The following DIP2B variants were observed in gnomAD, a reference collection of about 807,000 sequenced individuals.
DIP2B encodes the protein DIP2 acetate--CoA ligase B (putative), also known as disco-interacting protein 2 homolog B.
Under a neutral mutation model 198.0 loss-of-function variants are expected in DIP2B, and 76 were observed. That is an observed-to-expected ratio of 0.38 (90% CI 0.32 to 0.46). The LOEUF is 0.46. Among genes scored for constraint, DIP2B ranks in the 20% least tolerant of loss-of-function variants. The pLI, the probability that DIP2B is intolerant of heterozygous loss-of-function variation, is 0.99. For synonymous variants in DIP2B, 701 were observed against 739.1 expected (o/e 0.95, Z 0.84); for missense variants, 1,559 against 1,978.4 (o/e 0.79, Z 4.02).
chr12:50,647,758 C>T (rs1938375803), intron 3 of DIP2B, among the ~76,000 whole-genome samples: 1 of 152,184 alleles, frequency 6.6e-6, no homozygotes, highest in Non-Finnish European at 1.5e-5. Context: ...GGCCCTGGTC[C>T]TTAAAGCCCA....
intron 3 of DIP2B, among the ~76,000 whole-genome samples, 160 bp downstream of exon 3, chr12:50,641,012 G>A (rs1463451138): frequency 6.6e-6 from 1 of 151,914 alleles, no homozygotes; most frequent in Non-Finnish European, 1.5e-5. Flanking sequence ...ACCCTACTAT[G>A]TATCAGGTAT....
chr12:50,657,688 C>T (rs1938578698), intron 3 of DIP2B, among the ~76,000 whole-genome samples: 1 of 150,210 alleles, frequency 6.7e-6, no homozygotes, highest in Admixed American at 6.6e-5. Context: ...AATTGCATAA[C>T]CTGAAATTAA....
rs183511050 is a variant in DIP2B, at chr12:50,600,211, G to A, written c.101-25765G>A. Among the ~76,000 whole-genome samples, 278 of 152,214 alleles carry A rather than the reference G, an allele frequency of 1.8e-3. 6 individuals are homozygous for A. Among genetic ancestry groups the A allele is most frequent in the Admixed American group, 0.018 (275 of 15,274 alleles). Reference sequence around the variant, plus strand: ...CCTCAGTCTTTATAGATAAAATCAGGACAGTTGATTTAGACATCTTTTGAC... The same window carrying A: ...CCTCAGTCTTTATAGATAAAATCAGAACAGTTGATTTAGACATCTTTTGAC... On this transcript the variant is annotated intron_variant, in intron 1 of 37. Transcript: ENST00000301180.
At chr12:50,625,897 GTAAT>G in intron 1 of DIP2B, 75 bp from the exon 2 acceptor site, 2 of 1,468,808 alleles carry the variant, frequency 1.4e-6, no homozygotes, top group African/African-American at 2.8e-5. Flanking sequence ...CTATAACTCT[GTAAT>G]TAATTTTATT....
At chr12:50,536,879 T>A (rs1252168033) in intron 1 of DIP2B, among the ~76,000 whole-genome samples, 3 of 151,006 alleles carry the variant, frequency 2.0e-5, no homozygotes, top group East Asian at 3.9e-4. Flanking sequence ...TTTTTTTTTT[T>A]AATGTTGAAC....
chr12:50,598,988 TAA>T (rs113915324), intron 1 of DIP2B, among the ~76,000 whole-genome samples: 1 of 106,344 alleles, frequency 9.4e-6, no homozygotes, highest in Non-Finnish European at 1.8e-5. Context: ...ATATAAACAT[TAA>T]AAAAAAAAAA....
intron 1 of DIP2B, among the ~76,000 whole-genome samples, chr12:50,569,099 T>C (rs1400368749): frequency 1.3e-5 from 2 of 152,090 alleles, no homozygotes; most frequent in Non-Finnish European, 2.9e-5. Context: ...GTCTTTTTTT[T>C]TTTTTTCACC....
chr12:50,618,491 G>T (rs561832887), intron 1 of DIP2B, among the ~76,000 whole-genome samples: 10 of 152,290 alleles, frequency 6.6e-5, no homozygotes, highest in African/African-American at 1.9e-4. Flanking sequence ...CTCTCCTGAC[G>T]ATCATCCTTC....
chr12:50,719,668 CTG>C (rs1175797221), intron 25 of DIP2B, among the ~76,000 whole-genome samples: 1 of 151,698 alleles, frequency 6.6e-6, no homozygotes, highest in Non-Finnish European at 1.5e-5. Flanking sequence ...ATGTGAAACG[CTG>C]TCTCTACTAA....
At chr12:50,727,444 T>G (rs965253956) in intron 28 of DIP2B, among the ~76,000 whole-genome samples, 8 of 152,226 alleles carry the variant, frequency 5.3e-5, no homozygotes, top group African/African-American at 1.9e-4. Context: ...TGCTTCCTAC[T>G]GTGTTCTGTT....
At chr12:50,516,213 ATCTCTCTCTCTCTC>A (rs68059796) in intron 1 of DIP2B, among the ~76,000 whole-genome samples, 1 of 128,516 alleles carries the variant, frequency 7.8e-6, no homozygotes, top group Admixed American at 7.7e-5. Flanking sequence ...TAGAGGCACC[ATCTCTCTCTCTCTC>A]TCTCTCTCTC....
At chr12:50,510,834 G>A (rs1958008174) in intron 1 of DIP2B, among the ~76,000 whole-genome samples, 1 of 151,714 alleles carries the variant, frequency 6.6e-6, no homozygotes, top group South Asian at 2.1e-4. Context: ...TAGTAGAAAT[G>A]GGGTTTCCCT....
Position 50,729,919 on chromosome 12 carries a change from C to T in DIP2B, c.3641+1241C>T, listed in dbSNP as rs545866960. Among the ~76,000 whole-genome samples the T allele has an allele frequency of 9.9e-5, 15 of 151,818 alleles. No homozygotes were observed. In the East Asian group the frequency reaches 2.5e-3, roughly 26 times the overall value. On this transcript the variant is annotated intron_variant, in intron 30 of 37. Coordinates refer to ENST00000301180, the MANE Select transcript of DIP2B (RefSeq NM_173602.3). ...TAATTGTTTTGTAGAGACAGCGTTT[C>T]GTCATGTTGCCCAGGCTGGTCTTGA...
At chr12:50,741,380 G>T (rs766814455) in intron 36 of DIP2B, 36 bp from the exon 37 acceptor site, 9 of 1,605,876 alleles carry the variant, frequency 5.6e-6, no homozygotes, top group Non-Finnish European at 7.6e-6. Context: ...CTCAGTATAT[G>T]TCCAAGCCAC....
chr12:50,540,302 G>T (rs938991839), intron 1 of DIP2B, among the ~76,000 whole-genome samples: 51 of 80,758 alleles, frequency 6.3e-4, no homozygotes, highest in African/African-American at 1.8e-3. Flanking sequence ...GTAGAGACGG[G>T]GTTTCACCAT....
chr12:50,508,826 C>T (rs1331154810), intron 1 of DIP2B, among the ~76,000 whole-genome samples: 1 of 152,030 alleles, frequency 6.6e-6, no homozygotes, highest in Non-Finnish European at 1.5e-5. Context: ...CTGCCTCAGC[C>T]TTTCTGAGTA....
chr12:50,740,102 G>T (rs893427999), intron 36 of DIP2B, among the ~76,000 whole-genome samples: 2 of 152,284 alleles, frequency 1.3e-5, no homozygotes, highest in South Asian at 4.1e-4. Context: ...CCAGTTGATT[G>T]TCACAGCTTC....
intron 1 of DIP2B, among the ~76,000 whole-genome samples, chr12:50,602,818 C>A (rs1192340200): frequency 6.9e-6 from 1 of 144,610 alleles, no homozygotes; most frequent in Non-Finnish European, 1.5e-5. Flanking sequence ...GAGATCATAC[C>A]ACTGCACTCC....
At chr12:50,631,912 T>G (rs2139477390) in intron 2 of DIP2B, among the ~76,000 whole-genome samples, 1 of 152,286 alleles carries the variant, frequency 6.6e-6, no homozygotes, top group East Asian at 1.9e-4. Context: ...ATACATTCCA[T>G]GTCAAAAGAA....
Sources: gnomAD v4.1 joint callset for allele counts (sites outside exome capture counted in the v4.1 genomes callset) on GRCh38, gnomAD v4.1.1 for gene constraint, MANE v1.5 for transcripts, NCBI Gene and HGNC (gene_info 2026-07-23, HGNC 2026-07-21) for gene names.